CELF3: variants seen among roughly 807,000 people sequenced by gnomAD.
The protein encoded by CELF3 is CAG repeat domain.
In CELF3, 26 loss-of-function variants were observed where a neutral mutation model predicts 59.6. The observed-to-expected ratio is 0.44, with a 90% confidence interval of 0.32 to 0.61. The LOEUF is 0.61. Among genes scored for constraint, CELF3 ranks in the 20% least tolerant of loss-of-function variants. The pLI is 0.06. For synonymous variants in CELF3, 245 were observed against 250.7 expected, an observed-to-expected ratio of 0.98 and a Z score of 0.22; for missense variants, 387 against 627.2, an observed-to-expected ratio of 0.62 and a Z score of 4.09.
intron 2 of CELF3, chr1:151,711,162 T>C (rs949492208): frequency 7.4e-6 from 2 of 271,752 alleles, no homozygotes; most frequent in Non-Finnish European, 1.5e-5. Flanking sequence ...TAGTCCCCTC[T>C]GGACCTCAAC....
chr1:151,716,332 A>G lies in CELF3; in HGVS notation c.-312T>C. 2.8e-6 allele frequency: 1 copy of G among 351,680 alleles called. No homozygotes were observed. The highest frequency in any genetic ancestry group is 4.2e-5 in the Admixed American group (1 of 23,744). 21.8% of individuals were successfully genotyped at this position (351,680 alleles called of 1,614,324 possible). On this transcript the variant is annotated 5_prime_UTR_variant, in exon 1 of 13. Coordinates refer to ENST00000290583, the MANE Select transcript of CELF3 (RefSeq NM_007185.7). ...GGGGGTGAGTATGGCCAAGACCTGGAGGGTTAGGTGGTAGCCGGGGGTGCT... is the reference window on the plus strand; with the variant it reads ...GGGGGTGAGTATGGCCAAGACCTGGGGGGTTAGGTGGTAGCCGGGGGTGCT...
intron 2 of CELF3, among the ~76,000 whole-genome samples, chr1:151,712,217 C>G (rs553143895): frequency 6.6e-6 from 1 of 152,324 alleles, no homozygotes; most frequent in Admixed American, 6.5e-5. Context: ...AGGTGACAAG[C>G]CCTCCCTCGG....
In CELF3 at chr1:151,706,745, C is replaced by A. The variant is rs868149415; in HGVS notation, c.923-11G>T. On this transcript the variant is annotated splice_polypyrimidine_tract_variant and intron_variant, in intron 8 of 12. Transcript: ENST00000290583. ...CCGCGGGGCTCTGGGCTGGGGAGAG[C>A]AGCACAGACTATGAGCGTGGACCTG... 2 of 1,544,038 alleles carry A rather than the reference C, an allele frequency of 1.3e-6. No homozygotes were observed. Among genetic ancestry groups the A allele is most frequent in the Non-Finnish European group, 8.8e-7 (1 of 1,142,470 alleles).
In CELF3 at chr1:151,709,882, G is replaced by A. The variant is rs1356601783; in HGVS notation, c.229-91C>T. 1.6e-6 allele frequency: 2 copies of A among 1,226,808 alleles called. No homozygotes were observed. The highest frequency in any genetic ancestry group is 2.4e-6 in the Non-Finnish European group (2 of 827,140). 76.0% of individuals were successfully genotyped at this position (1,226,808 alleles called of 1,614,324 possible). A position where few individuals can be genotyped will look rare whatever the true frequency, so the allele number is the denominator to read the frequency against. Reference sequence around the variant, plus strand: ...CAGGCCCTGCAGAGAGACTAGAGGGGCAAGCCCCAGGCCCTCTAAGTTTCT... The same window carrying A: ...CAGGCCCTGCAGAGAGACTAGAGGGACAAGCCCCAGGCCCTCTAAGTTTCT... On this transcript the variant is annotated intron_variant, in intron 2 of 12. Coordinates refer to ENST00000290583, the MANE Select transcript of CELF3 (RefSeq NM_007185.7). The surrounding 1 kb of genome is among the most constrained non-coding windows in gnomAD (Gnocchi z 4.9).
rs1232969944 is a variant in CELF3, at chr1:151,716,234, G to A, written c.-214C>T. On this transcript the variant is annotated 5_prime_UTR_variant, in exon 1 of 13. Transcript: ENST00000290583. ...CTAGGGGTCAGGGGTCTAGGCAGAC[G>A]CTGTCATGCCACCAGGGGGCATCGC... 9.8e-6 allele frequency: 5 copies of A among 512,114 alleles called. No homozygotes were observed. In the South Asian group the frequency reaches 1.7e-4, roughly 18 times the overall value. The allele number at this position is 512,114 out of a possible 1,614,324, so 31.7% of individuals were successfully genotyped here.
chr1:151,706,032 T>A, intron 10 of CELF3, 67 bp from the exon 11 acceptor site: 1 of 1,601,698 alleles, frequency 6.2e-7, no homozygotes, highest in Non-Finnish European at 8.5e-7. Context: ...GAAGCAAATG[T>A]CCCAGGGAAA....
intron 8 of CELF3, 94 bp from the exon 9 acceptor site, chr1:151,706,828 G>T: frequency 1.0e-6 from 1 of 981,396 alleles, no homozygotes; most frequent in South Asian, 1.7e-5. Flanking sequence ...CCAGGCAGGT[G>T]GGGAGCAGAG....
At chr1:151,710,735 G>A (rs1014114568) in intron 2 of CELF3, 18 of 456,280 alleles carry the variant, frequency 3.9e-5, no homozygotes, top group African/African-American at 3.4e-4. Flanking sequence ...ACCTCTCCCC[G>A]ACCCCTGCAG....
In CELF3 at chr1:151,704,912, G is replaced by A. The variant is rs906298057; in HGVS notation, c.*10+119C>T. The A allele has an allele frequency of 2.7e-5, 31 of 1,137,074 alleles. No individual in the cohort carries two copies. The African/African-American group carries it at 4.5e-4, about 16-fold the overall frequency. The allele number at this position is 1,137,074 out of a possible 1,614,324, so 70.4% of individuals were successfully genotyped here. A position where few individuals can be genotyped will look rare whatever the true frequency, so the allele number is the denominator to read the frequency against. On this transcript the variant is annotated intron_variant, in intron 12 of 12. Coordinates refer to ENST00000290583, the MANE Select transcript of CELF3 (RefSeq NM_007185.7). ...CCCTGCTTCAAGTGCCCAGGGTCAA[G>A]GGTGGGGTGGGCATCCCTGAGGGTG...
chr1:151,712,513 C>G (rs1193314668), intron 2 of CELF3, among the ~76,000 whole-genome samples: 1 of 152,178 alleles, frequency 6.6e-6, no homozygotes, highest in Non-Finnish European at 1.5e-5. Flanking sequence ...CCCATGTCCC[C>G]CAAGTGGGAT....
intron 8 of CELF3, 90 bp downstream of exon 8, chr1:151,707,055 A>G (rs1479801651): frequency 1.9e-5 from 25 of 1,347,550 alleles, no homozygotes; most frequent in Admixed American, 6.6e-5. Context: ...TGTACCCCCA[A>G]AGCTGGGAGG....
In CELF3 at chr1:151,701,758, C is replaced by A. The variant is rs1672089560; in HGVS notation, c.*1701G>T. Reference sequence around the variant, plus strand: ...GCAAGACCCTGTCTACAAAAAAAAACACCATTTTTAAAAATGAGCTGGGCG... The same window carrying A: ...GCAAGACCCTGTCTACAAAAAAAAAAACCATTTTTAAAAATGAGCTGGGCG... On this transcript the variant is annotated 3_prime_UTR_variant, in exon 13 of 13. Transcript: ENST00000290583. Among the ~76,000 whole-genome samples the A allele has an allele frequency of 6.6e-6, 1 of 150,994 alleles. No homozygotes were observed. The highest frequency in any genetic ancestry group is 2.4e-5 in the African/African-American group (1 of 41,128).
rs1312624923 is a variant in CELF3, at chr1:151,714,825, G to A, written c.146-149C>T. The A allele has an allele frequency of 9.4e-6, 6 of 637,026 alleles. No homozygotes were observed. The African/African-American group carries it at 1.1e-4, about 12-fold the overall frequency. 39.5% of individuals were successfully genotyped at this position (637,026 alleles called of 1,614,324 possible). A position where few individuals can be genotyped will look rare whatever the true frequency, so the allele number is the denominator to read the frequency against. On this transcript the variant is annotated intron_variant, in intron 1 of 12. Coordinates refer to ENST00000290583, the MANE Select transcript of CELF3 (RefSeq NM_007185.7). ...TGGGGTAGAGAGGTGTCTCCAAGGG[G>A]TAGACTCTCTGCCCCAGAAGTGGGG...
intron 8 of CELF3, 131 bp downstream of exon 8, chr1:151,707,014 C>T (rs777809343): frequency 4.5e-5 from 50 of 1,118,414 alleles, no homozygotes; most frequent in African/African-American, 1.4e-4. Context: ...GGATCATCCC[C>T]GCCCAGGATG....
At chr1:151,710,327 G>A in intron 2 of CELF3, 1 of 277,564 alleles carries the variant, frequency 3.6e-6, no homozygotes, top group Non-Finnish European at 7.2e-6. Context: ...CAGCACAAAG[G>A]GAGCAGATGC....
chr1:151,709,049 G>C lies in CELF3; in HGVS notation c.435C>G (p.His145Gln), dbSNP rs543348840. 1 of 1,613,948 alleles carries C rather than the reference G, an allele frequency of 6.2e-7. No homozygotes were observed. The highest frequency in any genetic ancestry group is 8.5e-7 in the Non-Finnish European group (1 of 1,179,938). ...TGTTGATGGCCGCCTGGGCCTCAGC[G>C]TGGGTCTGGAACTTCACGAAGGCGC... Reference protein sequence around the residue: ...KGCAFVKFQTHAEAQAAINTL... With the variant: ...KGCAFVKFQTQAEAQAAINTL... The change falls in exon 5 of 13, where the codon CAC (histidine) becomes CAG (glutamine). Residue 145 changes from histidine (H) to glutamine (Q), a missense_variant. Coordinates refer to ENST00000290583, the MANE Select transcript of CELF3 (RefSeq NM_007185.7). This position sits in a 1 kb window ranked among gnomAD's most constrained non-coding sequence, Gnocchi z 4.9.
rs902910021 is a variant in CELF3, at chr1:151,709,536, C to T, written c.278-188G>A. The T allele has an allele frequency of 2.0e-5, 19 of 935,122 alleles. No homozygotes were observed. The highest frequency in any genetic ancestry group is 6.5e-5 in the African/African-American group (4 of 61,180). The allele number at this position is 935,122 out of a possible 1,614,324, so 57.9% of individuals were successfully genotyped here. On this transcript the variant is annotated intron_variant, in intron 3 of 12. Transcript: ENST00000290583. This position sits in a 1 kb window ranked among gnomAD's most constrained non-coding sequence, Gnocchi z 4.9. ...GTGCTCATCCCAGCTCTGAGGGACT[C>T]GCACTCCACCCTGGGCCTCAGTTTT...
Position 151,709,489 on chromosome 1 carries a change from G to T in CELF3, c.278-141C>A. 2 of 1,230,056 alleles carry T rather than the reference G, an allele frequency of 1.6e-6. No homozygotes were observed. Among genetic ancestry groups the T allele is most frequent in the Non-Finnish European group, 2.3e-6 (2 of 860,828 alleles). The allele number at this position is 1,230,056 out of a possible 1,614,324, so 76.2% of individuals were successfully genotyped here. On this transcript the variant is annotated intron_variant, in intron 3 of 12. Transcript: ENST00000290583. This position sits in a 1 kb window ranked among gnomAD's most constrained non-coding sequence, Gnocchi z 4.9. ...ATGGCTGTAGGGGCTGATGGTTGGG[G>T]AATGGGGTATAGTTGCAGAGGGTGC... is the stretch of plus-strand genomic sequence containing the variant.
rs776056154 is a variant in CELF3, at chr1:151,715,865, C to G, written c.145+11G>C. The G allele has an allele frequency of 6.2e-7, 1 of 1,608,732 alleles. No homozygotes were observed. ...CACCCCGAAGCCTCTTCAGCCTGCCCGACCCCTCACCCTTGTGCAGCCCGG... is the reference window on the plus strand; with the variant it reads ...CACCCCGAAGCCTCTTCAGCCTGCCGGACCCCTCACCCTTGTGCAGCCCGG... On this transcript the variant is annotated intron_variant, in intron 1 of 12. Coordinates refer to ENST00000290583, the MANE Select transcript of CELF3 (RefSeq NM_007185.7).
Sources: gnomAD v4.1 joint callset for allele counts (sites outside exome capture counted in the v4.1 genomes callset) on GRCh38, gnomAD v4.1.1 for gene constraint, Gnocchi (gnomAD v3.1) non-coding constraint, MANE v1.5 for transcripts, NCBI Gene and HGNC (gene_info 2026-07-23, HGNC 2026-07-21) for gene names.